Variants in CWC27 observed in about 807,000 individuals in gnomAD.
CWC27 encodes CWC27 spliceosome associated cyclophilin, also known as spliceosome-associated protein CWC27 homolog.
In CWC27, 47 loss-of-function variants were observed where a neutral mutation model predicts 63.6. The observed-to-expected ratio is 0.74, with a 90% CI of 0.58 to 0.94. CWC27 has a LOEUF of 0.94. Ranked by LOEUF, CWC27 falls within the 40% of genes least tolerant of loss-of-function variation. CWC27 has a pLI of 0.00. For missense variants in CWC27, 495 were observed against 554.3 expected, an observed-to-expected ratio of 0.89 and a Z score of 1.07; for synonymous variants, 175 against 179.8, an observed-to-expected ratio of 0.97 and a Z score of 0.22.
chr5:64,983,657 G>A (rs1441358728), intron 13 of CWC27, among the ~76,000 whole-genome samples: 2 of 152,184 alleles, frequency 1.3e-5, no homozygotes, highest in African/African-American at 2.4e-5. Flanking sequence ...AAATGTACCC[G>A]TTGTCACTGG....
intron 7 of CWC27, among the ~76,000 whole-genome samples, chr5:64,797,674 T>C (rs990122596): frequency 2.6e-5 from 4 of 152,204 alleles, no homozygotes; most frequent in African/African-American, 9.6e-5. Context: ...ATTAGCTAAA[T>C]GGAGCTAATT....
chr5:64,966,143 A>G (rs963040690), intron 11 of CWC27, among the ~76,000 whole-genome samples: 1 of 152,152 alleles, frequency 6.6e-6, no homozygotes, highest in Non-Finnish European at 1.5e-5. Context: ...TCAACTGGAA[A>G]ATCCTTATAA....
At chr5:64,835,636 T>C (rs1056089453) in intron 10 of CWC27, among the ~76,000 whole-genome samples, 1 of 151,880 alleles carries the variant, frequency 6.6e-6, no homozygotes, top group African/African-American at 2.4e-5. Context: ...GTTTTTGGTA[T>C]AACTTAAATA....
intron 13 of CWC27, among the ~76,000 whole-genome samples, chr5:64,980,821 C>G (rs1309574): frequency 0.45 from 69,069 of 152,036 alleles, 15,861 homozygotes; most frequent in African/African-American, 0.49. Context: ...GCCAGGCATG[C>G]TGGCTTATGC....
intron 2 of CWC27, among the ~76,000 whole-genome samples, chr5:64,780,578 T>A (rs1042455648): frequency 2.0e-5 from 3 of 148,224 alleles, no homozygotes; most frequent in African/African-American, 7.3e-5. Context: ...TCAAAATTAC[T>A]TATAACTATA....
chr5:64,781,867 C>A, intron 2 of CWC27, 54 bp from the exon 3 acceptor site: 1 of 928,570 alleles, frequency 1.1e-6, no homozygotes, highest in Non-Finnish European at 1.7e-6. Flanking sequence ...ATTTTGGTAA[C>A]TGTAGAGATG....
Position 64,808,221 on chromosome 5 carries a change from C to T in CWC27, c.938+3835C>T, listed in dbSNP as rs375107139. Reference sequence around the variant, plus strand: ...AAGATCCCCAGGTGATTTTTGTGTGCATTAGTTTGAGAAGCAGTCCTGTAG... The same window carrying T: ...AAGATCCCCAGGTGATTTTTGTGTGTATTAGTTTGAGAAGCAGTCCTGTAG... On this transcript the variant is annotated intron_variant, in intron 10 of 13. Transcript: ENST00000381070. The T allele has an allele frequency of 3.8e-4, 381 of 1,008,152 alleles. 1 individual carries two copies. The highest frequency in any genetic ancestry group is 3.6e-3 in the Middle Eastern group (7 of 1,970). 62.5% of individuals were successfully genotyped at this position (1,008,152 alleles called of 1,614,324 possible).
At chr5:64,913,103 A>G (rs1231379037) in intron 11 of CWC27, among the ~76,000 whole-genome samples, 1 of 152,182 alleles carries the variant, frequency 6.6e-6, no homozygotes, top group African/African-American at 2.4e-5. Flanking sequence ...CTTAGCAATC[A>G]AAATAGATCA....
At chr5:64,797,846 T>C (rs772622514) in intron 7 of CWC27, among the ~76,000 whole-genome samples, 1 of 152,188 alleles carries the variant, frequency 6.6e-6, no homozygotes, top group African/African-American at 2.4e-5. Context: ...TGAAATAGTA[T>C]AGCTCATTAA....
At chr5:64,885,105 TAA>T (rs1747034718) in intron 10 of CWC27, among the ~76,000 whole-genome samples, 2 of 152,136 alleles carry the variant, frequency 1.3e-5, no homozygotes, top group Admixed American at 6.5e-5. Context: ...ATATTTATAT[TAA>T]AAATTTTGTT....
At chr5:64,988,272 T>C (rs949571956) in intron 13 of CWC27, among the ~76,000 whole-genome samples, 3 of 152,260 alleles carry the variant, frequency 2.0e-5, no homozygotes, top group African/African-American at 7.2e-5. Flanking sequence ...TGTCAAATAA[T>C]TCCAGTGCCT....
At chr5:64,799,788 T>G (rs1187380353) in intron 7 of CWC27, among the ~76,000 whole-genome samples, 1 of 152,004 alleles carries the variant, frequency 6.6e-6, no homozygotes, top group African/African-American at 2.4e-5. Flanking sequence ...TTTGTTGTTG[T>G]TGGTAAGTAG....
At chr5:64,918,213 A>G (rs1325238082) in intron 11 of CWC27, among the ~76,000 whole-genome samples, 1 of 152,190 alleles carries the variant, frequency 6.6e-6, no homozygotes, top group Non-Finnish European at 1.5e-5. Context: ...CTACCCATAC[A>G]AAAAGCACTG....
intron 12 of CWC27, among the ~76,000 whole-genome samples, chr5:64,976,510 A>G (rs913308142): frequency 6.6e-6 from 1 of 151,988 alleles, no homozygotes; most frequent in African/African-American, 2.4e-5. Context: ...ATAAATGAGC[A>G]TACATTTTTT....
intron 13 of CWC27, among the ~76,000 whole-genome samples, chr5:65,004,001 CA>C (rs1330089963): frequency 6.6e-6 from 1 of 152,082 alleles, no homozygotes; most frequent in Admixed American, 6.5e-5. Context: ...CCCACCACCA[CA>C]CTCAGCTAAT....
chr5:64,958,300 A>G (rs748448982), intron 11 of CWC27, among the ~76,000 whole-genome samples: 17 of 152,194 alleles, frequency 1.1e-4, no homozygotes, highest in Non-Finnish European at 2.2e-4. Flanking sequence ...GAGAAAGTGT[A>G]TATGGTAGTG....
chr5:64,983,957 G>T (rs901026536), intron 13 of CWC27, among the ~76,000 whole-genome samples: 1 of 151,890 alleles, frequency 6.6e-6, no homozygotes, highest in African/African-American at 2.4e-5. Context: ...TCAGCCTCCC[G>T]AGTAGCTGGG....
At chr5:64,779,127 A>G (rs1743564735) in intron 2 of CWC27, among the ~76,000 whole-genome samples, 2 of 152,320 alleles carry the variant, frequency 1.3e-5, no homozygotes, top group African/African-American at 2.4e-5. Flanking sequence ...AGTTATATTC[A>G]GGTTGTATTC....
intron 10 of CWC27, among the ~76,000 whole-genome samples, chr5:64,860,958 A>G (rs62369332): frequency 0.38 from 57,712 of 151,934 alleles, 11,721 homozygotes; most frequent in East Asian, 0.52. Flanking sequence ...TTTAGGTCAG[A>G]GATTTGGATA....
Sources: gnomAD v4.1 joint callset for allele counts (sites outside exome capture counted in the v4.1 genomes callset) on GRCh38, gnomAD v4.1.1 for gene constraint, MANE v1.5 for transcripts, NCBI Gene and HGNC (gene_info 2026-07-23, HGNC 2026-07-21) for gene names.